Variants in LTF observed in about 807,000 individuals in gnomAD.
LTF encodes epididymis luminal protein 110.
Under a neutral mutation model 87.2 loss-of-function variants are expected in LTF, and 91 were observed. That is an observed-to-expected ratio of 1.04 (90% CI 0.88 to 1.24). The LOEUF (loss-of-function observed/expected upper bound fraction) is 1.24. Among genes scored for constraint, LTF ranks in the 50% most tolerant of loss-of-function variants. The pLI is 0.00. For synonymous variants in LTF, 378 were observed against 356.1 expected, an observed-to-expected ratio of 1.06 and a Z score of -0.69; for missense variants, 901 against 904.3, an observed-to-expected ratio of 1.00 and a Z score of 0.05.
At chr3:46,457,944 A>ATT (rs11410006) in intron 2 of LTF, among the ~76,000 whole-genome samples, 1,704 of 147,158 alleles carry the variant, frequency 0.012, 24 homozygotes, top group African/African-American at 0.035. Flanking sequence ...TGCCTGGCTA[A>ATT]TTTTTTTTTT....
At chr3:46,464,932 T>G (rs1333068106), upstream of LTF, 2 of 1,537,218 alleles carry the variant, frequency 1.3e-6, no homozygotes, top group East Asian at 2.3e-5. Context: ...CTGCGCCCCT[T>G]TATTCAGGGC....
chr3:46,447,010 G>A (rs1466997512), intron 10 of LTF, among the ~76,000 whole-genome samples: 3 of 152,170 alleles, frequency 2.0e-5, no homozygotes, highest in African/African-American at 4.8e-5. Context: ...AGCATGGACT[G>A]TACAGTGTGT....
chr3:46,436,881 C>T lies in LTF; in HGVS notation c.2099-652G>A, dbSNP rs540290132. Among the ~76,000 whole-genome samples the T allele has an allele frequency of 1.6e-4, 25 of 152,338 alleles. No individual in the cohort carries two copies. In the South Asian group the frequency reaches 4.1e-3, roughly 25 times the overall value. Reference sequence around the variant, plus strand: ...CCTTTATTGCAGGGGGCTGGCTGTGCTTTGTTTAGTAGCATCCCTGGCCTC... The same window carrying T: ...CCTTTATTGCAGGGGGCTGGCTGTGTTTTGTTTAGTAGCATCCCTGGCCTC... On this transcript the variant is annotated intron_variant, in intron 16 of 16. Coordinates refer to ENST00000231751, the MANE Select transcript of LTF (RefSeq NM_002343.6).
intron 13 of LTF, 81 bp from the exon 14 acceptor site, chr3:46,441,564 C>A: frequency 1.0e-6 from 1 of 994,144 alleles, no homozygotes; most frequent in Non-Finnish European, 1.6e-6. Context: ...ATATGCATTC[C>A]AAAAACTGAA....
chr3:46,468,977 T>TAA (rs951614229), upstream of LTF, among the ~76,000 whole-genome samples: 2 of 152,336 alleles, frequency 1.3e-5, no homozygotes, highest in African/African-American at 4.8e-5. Flanking sequence ...ACGTTCATCA[T>TAA]TGGTGGCATG....
rs1349967349 is a variant in LTF, at chr3:46,482,672, G to T, written c.-320+2314C>A. Among the ~76,000 whole-genome samples, 11 of 105,632 alleles carry T rather than the reference G, an allele frequency of 1.0e-4. 1 individual carries two copies. Among genetic ancestry groups the T allele is most frequent in the African/African-American group, 4.1e-4 (11 of 26,696 alleles). 69.3% of individuals were successfully genotyped at this position (105,632 alleles called of 152,430 possible). ...AGAAAGAAAGAAAGAAGGAAGGAAG[G>T]AAGGAAGGAAGGAAGGAAGGAAGGA... On this transcript the variant is annotated intron_variant, in intron 1 of 19. Transcript: ENST00000443496.
chr3:46,458,771 C>T (rs1703004646), intron 2 of LTF, among the ~76,000 whole-genome samples: 1 of 152,182 alleles, frequency 6.6e-6, no homozygotes, highest in African/African-American at 2.4e-5. Flanking sequence ...GGCAGGGTTT[C>T]ACCATGTTGG....
At chr3:46,446,582 A>T in intron 10 of LTF, 89 bp from the exon 11 acceptor site, 2 of 1,145,836 alleles carry the variant, frequency 1.7e-6, no homozygotes, top group Admixed American at 1.8e-5. Context: ...TGCAGAATCA[A>T]ATCCAAAGAG....
chr3:46,439,741 A>G (rs1702470722), intron 14 of LTF, among the ~76,000 whole-genome samples: 1 of 152,248 alleles, frequency 6.6e-6, no homozygotes. Flanking sequence ...AATATGCATG[A>G]ACCTCGAAAA....
intron 2 of LTF, 139 bp from the exon 3 acceptor site, chr3:46,456,537 T>C: frequency 1.6e-6 from 1 of 630,778 alleles, no homozygotes; most frequent in Non-Finnish European, 2.8e-6. Flanking sequence ...CCTCACTTCC[T>C]ATGAGAGATG....
At chr3:46,471,274 CTCTG>C (rs1310777050) in intron 1 of LTF, among the ~76,000 whole-genome samples, 1 of 152,158 alleles carries the variant, frequency 6.6e-6, no homozygotes, top group Non-Finnish European at 1.5e-5. Context: ...TCCTCTCTTT[CTCTG>C]TCTGTTTCTC....
intron 9 of LTF, among the ~76,000 whole-genome samples, 168 bp downstream of exon 9, chr3:46,448,695 G>T (rs1425040871): frequency 6.6e-6 from 1 of 152,196 alleles, no homozygotes; most frequent in Non-Finnish European, 1.5e-5. Context: ...ACAGTAAACT[G>T]CTTTTTGAAA....
Position 46,450,688 on chromosome 3 carries a change from A to G in LTF, c.704-15T>C, listed in dbSNP as rs1170468135. On this transcript the variant is annotated splice_polypyrimidine_tract_variant and intron_variant, in intron 6 of 16. Coordinates refer to ENST00000231751, the MANE Select transcript of LTF (RefSeq NM_002343.6). ...TGACAGGTCCTCTGCAGGGAAGGTG[A>G]GGTGGGAGGGAGTCTAGATAAGCCG... 6.2e-7 allele frequency: 1 copy of G among 1,602,920 alleles called. No homozygotes were observed.
At chr3:46,446,684 C>T (rs1345121973) in intron 10 of LTF, among the ~76,000 whole-genome samples, 191 bp from the exon 11 acceptor site, 1 of 152,164 alleles carries the variant, frequency 6.6e-6, no homozygotes, top group Admixed American at 6.5e-5. Flanking sequence ...TTCACCACAG[C>T]CACCAACTGG....
chr3:46,453,094 A>C (rs991396283), intron 6 of LTF, among the ~76,000 whole-genome samples: 3 of 152,228 alleles, frequency 2.0e-5, no homozygotes, highest in Non-Finnish European at 1.5e-5. Context: ...TGATACCTAG[A>C]TAGAAGGAAC....
upstream of LTF, among the ~76,000 whole-genome samples, chr3:46,465,578 T>C (rs529313963): frequency 6.7e-6 from 1 of 149,410 alleles, no homozygotes; most frequent in South Asian, 2.1e-4. Context: ...AAAGATGCCC[T>C]ATGGCTAAGA....
At chr3:46,449,532 G>A (rs1302083599) in intron 8 of LTF, among the ~76,000 whole-genome samples, 2 of 152,208 alleles carry the variant, frequency 1.3e-5, no homozygotes, top group African/African-American at 2.4e-5. Flanking sequence ...CTGGGCCTGG[G>A]AAGTGTGGGT....
chr3:46,449,125 A>C, intron 8 of LTF, 108 bp from the exon 9 acceptor site: 1 of 1,054,504 alleles, frequency 9.5e-7, no homozygotes, highest in Non-Finnish European at 1.3e-6. Context: ...CAGGAGCTAC[A>C]GTACATGTGT....
At chr3:46,436,357 T>G in intron 16 of LTF, 128 bp from the exon 17 acceptor site, 1 of 830,896 alleles carries the variant, frequency 1.2e-6, no homozygotes, top group Non-Finnish European at 2.0e-6. Flanking sequence ...AGTCAGTGCT[T>G]GCCACACTCA....
Sources: allele counts gnomAD v4.1 joint callset (sites outside exome capture counted in the v4.1 genomes callset), GRCh38; gene constraint gnomAD v4.1.1; transcripts MANE v1.5; gene names NCBI Gene and HGNC (gene_info 2026-07-23, HGNC 2026-07-21).